The following CPNE4 variants were observed in gnomAD, a reference collection of about 807,000 sequenced individuals.
The protein encoded by CPNE4 is copine 4.
Under a neutral mutation model 67.9 loss-of-function variants are expected in CPNE4, and 25 were observed. That is an observed-to-expected ratio of 0.37 (90% CI 0.27 to 0.51). The LOEUF (loss-of-function observed/expected upper bound fraction) is 0.51. CPNE4 is among the 20% of genes least tolerant of loss of function. The probability of loss-of-function intolerance (pLI) is 0.93; values close to 1 mark genes in which losing one functional copy is unlikely to be tolerated. For missense variants in CPNE4, 464 were observed against 690.8 expected, an observed-to-expected ratio of 0.67 and a Z score of 3.68; for synonymous variants, 242 against 244.9, an observed-to-expected ratio of 0.99 and a Z score of 0.11.
At chr3:131,864,144 C>A (rs146462536) in intron 2 of CPNE4, among the ~76,000 whole-genome samples, 6,839 of 151,414 alleles carry the variant, frequency 0.045, 504 homozygotes, top group African/African-American at 0.15. Flanking sequence ...TAGCGTGATG[C>A]CTCCAGCTTT....
chr3:131,754,955 T>G (rs1302785808), intron 2 of CPNE4, among the ~76,000 whole-genome samples: 3 of 152,232 alleles, frequency 2.0e-5, no homozygotes, highest in African/African-American at 7.2e-5. Flanking sequence ...ACTAGAGTTT[T>G]GGCAGTTTGC....
chr3:131,866,613 T>G (rs74983784), intron 2 of CPNE4, among the ~76,000 whole-genome samples: 1 of 152,208 alleles, frequency 6.6e-6, no homozygotes, highest in Non-Finnish European at 1.5e-5. Flanking sequence ...CTACTGCCTC[T>G]CTCTCATATG....
intron 2 of CPNE4, among the ~76,000 whole-genome samples, chr3:131,811,931 G>A (rs1209002931): frequency 6.6e-6 from 1 of 152,080 alleles, no homozygotes; most frequent in Non-Finnish European, 1.5e-5. Context: ...CTAACAACTG[G>A]CAAAAGAAAG....
At chr3:131,902,962 C>T (rs2088608411) in intron 2 of CPNE4, among the ~76,000 whole-genome samples, 1 of 152,014 alleles carries the variant, frequency 6.6e-6, no homozygotes, top group African/African-American at 2.4e-5. Flanking sequence ...ATTAAGATTC[C>T]CCAATCTGCC....
chr3:131,876,964 T>A (rs1173036812), intron 2 of CPNE4, among the ~76,000 whole-genome samples: 2 of 152,206 alleles, frequency 1.3e-5, no homozygotes, highest in Non-Finnish European at 2.9e-5. Context: ...GCTTGCTGTT[T>A]GTAGTTTCTT....
At chr3:131,864,021 T>A (rs1283260658) in intron 2 of CPNE4, among the ~76,000 whole-genome samples, 1 of 152,112 alleles carries the variant, frequency 6.6e-6, no homozygotes, top group African/African-American at 2.4e-5. Flanking sequence ...GTTGTAGATA[T>A]GCGGCATTAT....
intron 1 of CPNE4, 55 bp from the exon 2 acceptor site, chr3:131,905,499 T>C: frequency 2.7e-6 from 4 of 1,490,008 alleles, no homozygotes; most frequent in East Asian, 2.4e-5. Context: ...GCAATATTTG[T>C]CAAAGGAGAA....
chr3:131,999,169 T>C (rs2073365019), intron 1 of CPNE4, among the ~76,000 whole-genome samples: 1 of 143,040 alleles, frequency 7.0e-6, no homozygotes, highest in Non-Finnish European at 1.5e-5. Context: ...AAGTTTGGTA[T>C]GTTTGAGGAG....
chr3:132,012,193 C>G (rs2073783524), intron 1 of CPNE4, among the ~76,000 whole-genome samples: 1 of 121,732 alleles, frequency 8.2e-6, no homozygotes, highest in Admixed American at 9.0e-5. Flanking sequence ...TTTTTTTAGA[C>G]AGTCTCGCTC....
intron 2 of CPNE4, among the ~76,000 whole-genome samples, chr3:131,726,785 A>G (rs1306796373): frequency 1.3e-5 from 2 of 151,988 alleles, no homozygotes; most frequent in African/African-American, 4.8e-5. Flanking sequence ...ATTCTGATTT[A>G]GTGAGTATAT....
chr3:131,953,865 T>C (rs2071854697), intron 1 of CPNE4, among the ~76,000 whole-genome samples: 1 of 152,222 alleles, frequency 6.6e-6, no homozygotes, highest in South Asian at 2.1e-4. Flanking sequence ...TCATTTCTCA[T>C]ATATTTCAAA....
intron 7 of CPNE4, among the ~76,000 whole-genome samples, chr3:131,665,780 G>A (rs949567723): frequency 6.6e-6 from 1 of 152,034 alleles, no homozygotes; most frequent in Non-Finnish European, 1.5e-5. Context: ...AAAATTCAAT[G>A]ACCTTCATTT....
rs530904045 is a variant in CPNE4, at chr3:131,815,603, C to A, written c.180+89661G>T. ...ATATATATATGTAAGTAAGTCCAAG[C>A]TTGTGCCACTTGCCACCTGGCAGCC... On this transcript the variant is annotated intron_variant, in intron 2 of 15. Coordinates refer to ENST00000429747, the MANE Select transcript of CPNE4 (RefSeq NM_130808.3). Among the ~76,000 whole-genome samples the A allele has an allele frequency of 1.2e-3, 181 of 152,290 alleles. 2 individuals are homozygous for A. Among genetic ancestry groups the A allele is most frequent in the Non-Finnish European group, 8.8e-5 (6 of 68,028 alleles).
chr3:131,753,619 C>T (rs921073373), intron 2 of CPNE4, among the ~76,000 whole-genome samples: 5 of 152,024 alleles, frequency 3.3e-5, no homozygotes, highest in African/African-American at 1.2e-4. Flanking sequence ...GGGTAAAGAA[C>T]ATAAACAGAT....
intron 2 of CPNE4, among the ~76,000 whole-genome samples, chr3:131,735,191 C>A (rs1004650959): frequency 2.0e-5 from 3 of 152,116 alleles, no homozygotes; most frequent in Non-Finnish European, 4.4e-5. Flanking sequence ...CCTAAAAAAG[C>A]AACCCTATGG....
At chr3:131,698,167 G>A (rs546962792) in intron 4 of CPNE4, among the ~76,000 whole-genome samples, 101 of 145,704 alleles carry the variant, frequency 6.9e-4, no homozygotes, top group African/African-American at 4.0e-4. Context: ...CCCGGGAGGT[G>A]GAACTTGTAG....
chr3:131,662,256 T>G (rs2080145770), intron 7 of CPNE4, among the ~76,000 whole-genome samples: 1 of 152,202 alleles, frequency 6.6e-6, no homozygotes, highest in African/African-American at 2.4e-5. Context: ...AGTGTGTCAG[T>G]CTGGCTCAGA....
chr3:131,985,641 A>G, intron 1 of CPNE4, among the ~76,000 whole-genome samples: 1 of 152,210 alleles, frequency 6.6e-6, no homozygotes, highest in Admixed American at 6.5e-5. Flanking sequence ...GCTGCCCCAC[A>G]GGTTTATATA....
rs2082326719 is a variant in CPNE4, at chr3:131,740,264, T to C, written c.181-16639A>G. 2.0e-5 allele frequency among the ~76,000 whole-genome samples: 3 copies of C among 152,212 alleles called. No individual in the cohort carries two copies. In the South Asian group the frequency reaches 6.2e-4, roughly 32 times the overall value. On this transcript the variant is annotated intron_variant, in intron 2 of 15. Transcript: ENST00000429747. ...AATGTCTGTGTTCAGCTGTCCATAT[T>C]GGCATGATCAAAGGCTTAATTCTCT...
Sources: gnomAD v4.1 joint callset for allele counts (sites outside exome capture counted in the v4.1 genomes callset) on GRCh38, gnomAD v4.1.1 for gene constraint, MANE v1.5 for transcripts, NCBI Gene and HGNC (gene_info 2026-07-23, HGNC 2026-07-21) for gene names.